The following LRRTM4 variants were observed in gnomAD, a reference collection of about 807,000 sequenced individuals.
The protein encoded by LRRTM4 is leucine rich repeat transmembrane neuronal 4.
A neutral mutation model predicts 47.6 loss-of-function variants in LRRTM4; 25 were observed. That is an observed-to-expected ratio of 0.53 (90% CI 0.38 to 0.73). LRRTM4 has a LOEUF of 0.73. LRRTM4 is among the 30% of genes least tolerant of loss of function. The pLI is 0.00. For synonymous variants in LRRTM4, 311 were observed against 269.5 expected (o/e 1.15, Z -1.51); for missense variants, 638 against 713.4 (o/e 0.89, Z 1.20).
intron 3 of LRRTM4, among the ~76,000 whole-genome samples, chr2:77,473,368 A>G (rs532629548): frequency 6.6e-6 from 1 of 152,278 alleles, no homozygotes; most frequent in African/African-American, 2.4e-5. Flanking sequence ...ATAACAAGAA[A>G]CCATGTGAAA....
intron 3 of LRRTM4, among the ~76,000 whole-genome samples, chr2:76,898,548 C>T (rs1473831554): frequency 4.4e-5 from 5 of 114,452 alleles, no homozygotes; most frequent in African/African-American, 7.4e-5. Flanking sequence ...AGCAAAGCTC[C>T]GTCTCAAAAA....
rs543502612 is a variant in LRRTM4, at chr2:77,518,473, G to A, written c.1396C>T (p.Arg466Trp). The A allele has an allele frequency of 6.2e-7, 1 of 1,613,348 alleles. No individual in the cohort carries two copies. Among genetic ancestry groups the A allele is most frequent in the Non-Finnish European group, 8.5e-7 (1 of 1,179,606 alleles). The change falls in exon 3 of 4, where the codon CGG (arginine) becomes TGG (tryptophan). Residue 466 changes from arginine (R) to tryptophan (W), a missense_variant. Transcript: ENST00000409884. ...TCAGACTCTCTGGCCTTTTTCCGCCGCCTCTTCATAAGAGAGTGTTGCTGG... is the reference window on the plus strand; with the variant it reads ...TCAGACTCTCTGGCCTTTTTCCGCCACCTCTTCATAAGAGAGTGTTGCTGG... ...QLQQHSLMKR[R>W]RKKARESERQ... is the part of the protein sequence containing the mutation.
At chr2:76,958,132 C>T (rs1281298337) in intron 3 of LRRTM4, among the ~76,000 whole-genome samples, 2 of 151,658 alleles carry the variant, frequency 1.3e-5, no homozygotes, top group African/African-American at 2.4e-5. Flanking sequence ...ACATTTCTTC[C>T]CAGCTTTCCC....
chr2:77,123,941 G>C (rs560573673), intron 3 of LRRTM4, among the ~76,000 whole-genome samples: 5 of 152,250 alleles, frequency 3.3e-5, no homozygotes, highest in African/African-American at 1.2e-4. Flanking sequence ...AGGATGGTTA[G>C]ACAGTGGAAA....
At chr2:77,044,436 AAG>A (rs1193369067) in intron 3 of LRRTM4, among the ~76,000 whole-genome samples, 3 of 151,812 alleles carry the variant, frequency 2.0e-5, no homozygotes, top group Admixed American at 6.6e-5. Context: ...TCTCTCTGAA[AAG>A]AGAGATATAC....
chr2:76,939,201 C>T, intron 3 of LRRTM4, among the ~76,000 whole-genome samples: 1 of 152,038 alleles, frequency 6.6e-6, no homozygotes, highest in Middle Eastern at 3.2e-3. Flanking sequence ...GTAGCTATAA[C>T]AAGTAAACCT....
chr2:77,476,513 A>G (rs1402703899), intron 3 of LRRTM4, among the ~76,000 whole-genome samples: 1 of 152,138 alleles, frequency 6.6e-6, no homozygotes, highest in Non-Finnish European at 1.5e-5. Flanking sequence ...ATCAAAAAGG[A>G]AGTCCAAAAG....
intron 3 of LRRTM4, among the ~76,000 whole-genome samples, chr2:76,844,314 T>G (rs1671776098): frequency 6.7e-6 from 1 of 149,944 alleles, no homozygotes. Context: ...TTTTTGTATT[T>G]TTGGTAGAGA....
At chr2:77,156,659 G>A (rs1422643644) in intron 3 of LRRTM4, among the ~76,000 whole-genome samples, 1 of 151,218 alleles carries the variant, frequency 6.6e-6, no homozygotes, top group Non-Finnish European at 1.5e-5. Context: ...TGAAATTCGG[G>A]GTGAGGTAGA....
chr2:77,068,943 G>T (rs187034973), intron 3 of LRRTM4, among the ~76,000 whole-genome samples: 1 of 152,184 alleles, frequency 6.6e-6, no homozygotes, highest in South Asian at 2.1e-4. Context: ...TAGCATGAGC[G>T]ATCTGTGCCT....
At chr2:76,752,917 T>C (rs913292556) in intron 3 of LRRTM4, among the ~76,000 whole-genome samples, 1 of 152,198 alleles carries the variant, frequency 6.6e-6, no homozygotes. Context: ...AGAACAACAC[T>C]ATTTAAAGAT....
At chr2:77,368,512 C>T (rs1672539919) in intron 3 of LRRTM4, among the ~76,000 whole-genome samples, 1 of 151,664 alleles carries the variant, frequency 6.6e-6, no homozygotes, top group Non-Finnish European at 1.5e-5. Context: ...AGGGATAGTT[C>T]AATATTCCTA....
chr2:76,865,804 T>C (rs958261213), intron 3 of LRRTM4, among the ~76,000 whole-genome samples: 15 of 152,170 alleles, frequency 9.9e-5, no homozygotes, highest in African/African-American at 3.6e-4. Flanking sequence ...GATGGCCCTA[T>C]TTAAAATAGA....
intron 3 of LRRTM4, among the ~76,000 whole-genome samples, chr2:77,112,905 G>T (rs931125512): frequency 6.6e-6 from 1 of 152,074 alleles, no homozygotes; most frequent in African/African-American, 2.4e-5. Flanking sequence ...CTCATGGTTC[G>T]CATTCTCAAA....
intron 3 of LRRTM4, among the ~76,000 whole-genome samples, chr2:77,390,050 A>G (rs1477102054): frequency 4.6e-5 from 7 of 152,126 alleles, no homozygotes; most frequent in Admixed American, 1.3e-4. Context: ...ACTAAAGAAC[A>G]TATGGCCACC....
chr2:77,517,351 C>CT, intron 3 of LRRTM4: 2 of 983,064 alleles, frequency 2.0e-6, no homozygotes, highest in Non-Finnish European at 2.4e-6. Flanking sequence ...AACCTCTCTC[C>CT]TTTTATTTAT....
At chr2:76,911,107 A>C (rs755483186) in intron 3 of LRRTM4, among the ~76,000 whole-genome samples, 1 of 152,196 alleles carries the variant, frequency 6.6e-6, no homozygotes, top group Non-Finnish European at 1.5e-5. Context: ...AATATCTTTA[A>C]AACATATTTT....
At chr2:77,093,394 C>A (rs1670709912) in intron 3 of LRRTM4, among the ~76,000 whole-genome samples, 1 of 151,060 alleles carries the variant, frequency 6.6e-6, no homozygotes. Context: ...TTTAGTTTCT[C>A]AATTCATCCA....
At chr2:76,982,573 A>C (rs1676649314) in intron 3 of LRRTM4, among the ~76,000 whole-genome samples, 1 of 152,034 alleles carries the variant, frequency 6.6e-6, no homozygotes, top group South Asian at 2.1e-4. Context: ...TTGTATCTAG[A>C]AGAGTCACCA....
Sources: gnomAD v4.1 joint callset for allele counts (sites outside exome capture counted in the v4.1 genomes callset) on GRCh38, gnomAD v4.1.1 for gene constraint, MANE v1.5 for transcripts, NCBI Gene and HGNC (gene_info 2026-07-23, HGNC 2026-07-21) for gene names.